The following GLRB variants were observed in gnomAD, a reference collection of about 807,000 sequenced individuals.
GLRB encodes glycine receptor beta.
In GLRB, 33 loss-of-function variants were observed where a neutral mutation model predicts 54.2. That is an observed-to-expected ratio of 0.61 (90% CI 0.46 to 0.81). GLRB has a LOEUF of 0.81. Ranked by LOEUF, GLRB falls within the 40% of genes least tolerant of loss-of-function variation. GLRB has a pLI of 0.00. For missense variants in GLRB, 572 were observed against 584.6 expected (o/e 0.98, Z 0.22); for synonymous variants, 209 against 208.2 (o/e 1.00, Z -0.03).
chr4:157,099,998 C>T (rs1734958253), intron 2 of GLRB, among the ~76,000 whole-genome samples: 1 of 152,080 alleles, frequency 6.6e-6, no homozygotes, highest in East Asian at 1.9e-4. Flanking sequence ...TGTTGATTTT[C>T]TTATTAACAT....
chr4:157,141,572 A>G (rs1046082554), intron 7 of GLRB, among the ~76,000 whole-genome samples: 1 of 152,016 alleles, frequency 6.6e-6, no homozygotes, highest in African/African-American at 2.4e-5. Context: ...AAAAATACTC[A>G]AATTGGAAGC....
At chr4:157,107,165 C>A (rs1234662325) in intron 2 of GLRB, among the ~76,000 whole-genome samples, 1 of 152,068 alleles carries the variant, frequency 6.6e-6, no homozygotes, top group Non-Finnish European at 1.5e-5. Context: ...TCTGTCTTTT[C>A]ATCTCCCTCC....
In GLRB at chr4:157,078,019, T is replaced by C. The variant is rs1212555429; in HGVS notation, c.-6T>C. On this transcript the variant is annotated 5_prime_UTR_variant, in exon 2 of 10. Transcript: ENST00000264428. ...AGATCGATCTTCTGAAATTCAAGTT[T>C]TCAAGATGAAGTTTTTATTGACAAC... The C allele has an allele frequency of 6.2e-7, 1 of 1,608,210 alleles. No individual in the cohort carries two copies. The highest frequency in any genetic ancestry group is 8.5e-7 in the Non-Finnish European group (1 of 1,175,470).
At chr4:157,147,412 T>G (rs1014000840) in intron 8 of GLRB, among the ~76,000 whole-genome samples, 2 of 152,132 alleles carry the variant, frequency 1.3e-5, no homozygotes, top group Non-Finnish European at 2.9e-5. Flanking sequence ...ATGGACAGTT[T>G]CTTTGAAGTG....
At chr4:157,156,290 A>T (rs1737224580) in intron 9 of GLRB, among the ~76,000 whole-genome samples, 1 of 152,162 alleles carries the variant, frequency 6.6e-6, no homozygotes, top group Non-Finnish European at 1.5e-5. Context: ...GCTGCTTTGT[A>T]AGAGAAATTG....
At chr4:157,078,654 G>T (rs1390682849) in intron 2 of GLRB, among the ~76,000 whole-genome samples, 2 of 152,036 alleles carry the variant, frequency 1.3e-5, no homozygotes, top group Non-Finnish European at 2.9e-5. Context: ...TTGTAAATAG[G>T]TTATATTAGG....
intron 2 of GLRB, chr4:157,084,708 T>C (rs933530376): frequency 8.8e-6 from 4 of 456,078 alleles, no homozygotes; most frequent in African/African-American, 6.0e-5. Context: ...TACTTCAGTC[T>C]GTATGTACTA....
At chr4:157,144,267 C>G (rs1397238319) in intron 8 of GLRB, among the ~76,000 whole-genome samples, 2 of 152,018 alleles carry the variant, frequency 1.3e-5, no homozygotes, top group Non-Finnish European at 2.9e-5. Flanking sequence ...TCGGTAGTGC[C>G]AAACTTAAAA....
intron 2 of GLRB, among the ~76,000 whole-genome samples, chr4:157,095,882 T>C (rs1028744709): frequency 6.6e-6 from 1 of 152,094 alleles, no homozygotes; most frequent in African/African-American, 2.4e-5. Flanking sequence ...GTGCCTCAGA[T>C]GTGGTCACAC....
chr4:157,129,497 T>C lies in GLRB; in HGVS notation c.298-6972T>C, dbSNP rs551265181. ...GTTCAACACAAACTATTAACTTAAATTGTAAAAATTTGAAATATTCTTAAA... is the reference window on the plus strand; with the variant it reads ...GTTCAACACAAACTATTAACTTAAACTGTAAAAATTTGAAATATTCTTAAA... On this transcript the variant is annotated intron_variant, in intron 4 of 9. Transcript: ENST00000264428. Among the ~76,000 whole-genome samples the C allele has an allele frequency of 1.3e-4, 19 of 151,928 alleles. 1 individual carries two copies. The South Asian group carries it at 3.7e-3, about 30-fold the overall frequency.
intron 2 of GLRB, among the ~76,000 whole-genome samples, chr4:157,082,355 G>T (rs1384790316): frequency 6.6e-6 from 1 of 152,048 alleles, no homozygotes; most frequent in Non-Finnish European, 1.5e-5. Flanking sequence ...TATTGTAATT[G>T]TCTGCTTTCC....
At chr4:157,170,264 G>C (rs1459910630) in intron 9 of GLRB, among the ~76,000 whole-genome samples, 168 bp from the exon 10 acceptor site, 1 of 152,050 alleles carries the variant, frequency 6.6e-6, no homozygotes, top group Non-Finnish European at 1.5e-5. Context: ...AGCCCTAAAT[G>C]CTCAGGCAAT....
chr4:157,142,593 TA>T (rs2126580584), intron 7 of GLRB, among the ~76,000 whole-genome samples: 1 of 152,284 alleles, frequency 6.6e-6, no homozygotes, highest in Admixed American at 6.5e-5. Flanking sequence ...TATTAATGAA[TA>T]AATATGTAGA....
At chr4:157,141,754 C>T (rs1736620649) in intron 7 of GLRB, among the ~76,000 whole-genome samples, 1 of 151,938 alleles carries the variant, frequency 6.6e-6, no homozygotes, top group Non-Finnish European at 1.5e-5. Context: ...TGGAGCAAAT[C>T]ACTATAATAT....
intron 9 of GLRB, 131 bp from the exon 10 acceptor site, chr4:157,170,301 T>C: frequency 1.6e-6 from 1 of 632,640 alleles, no homozygotes; most frequent in Non-Finnish European, 2.8e-6. Context: ...ATAACCATTC[T>C]CTCTGTTAGT....
At chr4:157,099,417 A>G (rs1026160660) in intron 2 of GLRB, among the ~76,000 whole-genome samples, 1 of 151,826 alleles carries the variant, frequency 6.6e-6, no homozygotes, top group African/African-American at 2.4e-5. Flanking sequence ...GCTCACTGCA[A>G]CTTCTGCTTC....
intron 8 of GLRB, among the ~76,000 whole-genome samples, chr4:157,149,193 G>C (rs58781142): frequency 2.0e-5 from 3 of 151,988 alleles, no homozygotes; most frequent in African/African-American, 7.2e-5. Context: ...AGACAACATA[G>C]AGCATAAAGT....
intron 7 of GLRB, among the ~76,000 whole-genome samples, chr4:157,143,216 A>G (rs1736681245): frequency 6.6e-6 from 1 of 152,120 alleles, no homozygotes; most frequent in African/African-American, 2.4e-5. Context: ...CGATGTTTGC[A>G]CCATATACAT....
chr4:157,161,411 G>C (rs1361626646), intron 9 of GLRB, among the ~76,000 whole-genome samples: 1 of 152,222 alleles, frequency 6.6e-6, no homozygotes, highest in Admixed American at 6.5e-5. Flanking sequence ...AGCTGATGCA[G>C]TTTCTTCCTG....
Sources: allele counts gnomAD v4.1 joint callset (sites outside exome capture counted in the v4.1 genomes callset), GRCh38; gene constraint gnomAD v4.1.1; transcripts MANE v1.5; gene names NCBI Gene and HGNC (gene_info 2026-07-23, HGNC 2026-07-21).